Variants in ITGB5 observed in about 807,000 individuals in gnomAD.
ITGB5 encodes integrin beta-5.
In ITGB5, 38 loss-of-function variants were observed where a neutral mutation model predicts 84.8. The ratio of observed to expected loss-of-function variants is 0.45; its 90% CI spans 0.35 to 0.59. The LOEUF is 0.59. ITGB5 is among the 20% of genes least tolerant of loss of function. The probability of loss-of-function intolerance (pLI) is 0.01; values close to 1 mark genes in which losing one functional copy is unlikely to be tolerated. For synonymous variants in ITGB5, 393 were observed against 414.4 expected (o/e 0.95, Z 0.63); for missense variants, 905 against 1,034.5 (o/e 0.87, Z 1.72).
At chr3:124,886,708 C>T (rs2107656003) in intron 1 of ITGB5, among the ~76,000 whole-genome samples, 1 of 151,900 alleles carries the variant, frequency 6.6e-6, no homozygotes, top group Admixed American at 6.5e-5. Flanking sequence ...AAGGGAAGCT[C>T]CTCCTCAGCC....
At chr3:124,848,244 A>G (rs1559966725) in intron 4 of ITGB5, 65 bp downstream of exon 4, 1 of 1,574,940 alleles carries the variant, frequency 6.3e-7, no homozygotes, top group East Asian at 2.3e-5. Flanking sequence ...TCTTTGAGCT[A>G]AATTTTCCTG....
At chr3:124,856,831 C>T (rs144788030) in intron 3 of ITGB5, among the ~76,000 whole-genome samples, 75 of 152,290 alleles carry the variant, frequency 4.9e-4, no homozygotes, top group African/African-American at 1.7e-3. Flanking sequence ...TTTCTCTTTC[C>T]CCAGAGGACA....
chr3:124,771,199 T>C (rs377000318), intron 11 of ITGB5, among the ~76,000 whole-genome samples: 2 of 152,206 alleles, frequency 1.3e-5, no homozygotes, highest in Non-Finnish European at 2.9e-5. Context: ...TGAAATCAGC[T>C]GGGTGTTGAG....
chr3:124,823,837 T>C (rs1186270632), intron 5 of ITGB5, among the ~76,000 whole-genome samples: 1 of 152,132 alleles, frequency 6.6e-6, no homozygotes, highest in Non-Finnish European at 1.5e-5. Flanking sequence ...CATGTGAATC[T>C]GTTATCCAAA....
intron 1 of ITGB5, among the ~76,000 whole-genome samples, chr3:124,895,081 T>C (rs1353227417): frequency 6.6e-6 from 1 of 152,080 alleles, no homozygotes; most frequent in Non-Finnish European, 1.5e-5. Flanking sequence ...AGAAATGCTA[T>C]AGGAGTGGAG....
At chr3:124,829,758 T>C (rs1410627241) in intron 5 of ITGB5, among the ~76,000 whole-genome samples, 28 of 152,186 alleles carry the variant, frequency 1.8e-4, no homozygotes, top group Non-Finnish European at 3.7e-4. Context: ...CCATTGTCAC[T>C]GTCTCCTCTG....
At chr3:124,876,691 C>T (rs1057170513) in intron 1 of ITGB5, among the ~76,000 whole-genome samples, 4 of 152,204 alleles carry the variant, frequency 2.6e-5, no homozygotes, top group African/African-American at 9.7e-5. Flanking sequence ...AAGGTTTCCA[C>T]CAGCCCTAAC....
At chr3:124,797,480 C>T (rs1323316059) in intron 9 of ITGB5, among the ~76,000 whole-genome samples, 1 of 152,192 alleles carries the variant, frequency 6.6e-6, no homozygotes, top group Non-Finnish European at 1.5e-5. Context: ...GAAGAGTCTC[C>T]AACTGATGAA....
At chr3:124,831,024 C>A (rs186878359) in intron 5 of ITGB5, among the ~76,000 whole-genome samples, 97 of 152,244 alleles carry the variant, frequency 6.4e-4, no homozygotes, top group Non-Finnish European at 1.3e-3. Flanking sequence ...CAAGAAAATT[C>A]TTCCTTACAT....
intron 11 of ITGB5, among the ~76,000 whole-genome samples, chr3:124,772,911 CTTTTTT>C (rs35802279): frequency 2.4e-5 from 3 of 127,328 alleles, no homozygotes; most frequent in East Asian, 2.3e-4. Context: ...CTCCAATTTA[CTTTTTT>C]TTTTTTTTTT....
chr3:124,873,988 AT>A lies in ITGB5; in HGVS notation c.71-458del, dbSNP rs1934182267. On this transcript the variant is annotated intron_variant, in intron 1 of 14. Coordinates refer to ENST00000296181, the MANE Select transcript of ITGB5 (RefSeq NM_002213.5). Reference sequence around the variant, plus strand: ...AATGTACAGTGTACTGAAAGAAGCCATGCATCCCAGGAATACAATGTTGAAT... The same window carrying A: ...AATGTACAGTGTACTGAAAGAAGCCAGCATCCCAGGAATACAATGTTGAAT... Among the ~76,000 whole-genome samples the A allele has an allele frequency of 2.0e-5, 3 of 152,030 alleles. No homozygotes were observed. The South Asian group carries it at 6.2e-4, about 32-fold the overall frequency.
In ITGB5 at chr3:124,838,742, C is replaced by T. The variant is rs941190178; in HGVS notation, c.780+2641G>A. Among the ~76,000 whole-genome samples, 18 of 152,202 alleles carry T rather than the reference C, an allele frequency of 1.2e-4. 1 individual carries two copies. The East Asian group carries it at 2.5e-3, about 21-fold the overall frequency. On this transcript the variant is annotated intron_variant, in intron 5 of 14. Transcript: ENST00000296181. Reference sequence around the variant, plus strand: ...TCAGCCTCCCGAGTAGCTGGGACTACAGGCGCCTGCCACCACGCCCGGCTA... The same window carrying T: ...TCAGCCTCCCGAGTAGCTGGGACTATAGGCGCCTGCCACCACGCCCGGCTA...
chr3:124,823,372 C>T (rs946278815), intron 5 of ITGB5, among the ~76,000 whole-genome samples: 23 of 151,854 alleles, frequency 1.5e-4, no homozygotes, highest in African/African-American at 4.4e-4. Flanking sequence ...GCATTCTAGG[C>T]GCTAACAGAA....
intron 9 of ITGB5, among the ~76,000 whole-genome samples, chr3:124,797,162 G>C (rs934304099): frequency 1.3e-5 from 2 of 152,084 alleles, no homozygotes; most frequent in African/African-American, 2.4e-5. Flanking sequence ...TTTCTCTTCT[G>C]TCCTATCCTC....
At position 124,822,499 on chromosome 3, in the gene ITGB5, C is replaced by T. The variant is rs1579252465; in HGVS notation, c.781-1025G>A. On this transcript the variant is annotated intron_variant, in intron 5 of 14. Coordinates refer to ENST00000296181, the MANE Select transcript of ITGB5 (RefSeq NM_002213.5). ...GGTATCATCCTCTCTTACTTATCAT[C>T]ATAATGGTGGATAAAACAGCCAAAA... Among the ~76,000 whole-genome samples the T allele has an allele frequency of 2.6e-5, 4 of 152,124 alleles. No individual in the cohort carries two copies. The South Asian group carries it at 8.3e-4, about 32-fold the overall frequency.
chr3:124,776,111 T>C (rs187238147), intron 10 of ITGB5, among the ~76,000 whole-genome samples: 37 of 152,302 alleles, frequency 2.4e-4, no homozygotes, highest in Admixed American at 2.4e-3. Flanking sequence ...CTTAACTGTG[T>C]AGATGCGGGC....
chr3:124,883,699 T>A (rs1024476039), intron 1 of ITGB5, among the ~76,000 whole-genome samples: 7 of 152,208 alleles, frequency 4.6e-5, no homozygotes, highest in South Asian at 4.1e-4. Flanking sequence ...ATTGCTTTTT[T>A]AAAAAGAAAT....
chr3:124,838,032 A>C (rs1226624588), intron 5 of ITGB5, among the ~76,000 whole-genome samples: 1 of 152,206 alleles, frequency 6.6e-6, no homozygotes, highest in Admixed American at 6.5e-5. Flanking sequence ...TTCAGTAAAC[A>C]AAGTAAGGGA....
chr3:124,859,686 C>T (rs760216389), intron 2 of ITGB5, among the ~76,000 whole-genome samples: 3 of 152,090 alleles, frequency 2.0e-5, no homozygotes, highest in Non-Finnish European at 2.9e-5. Context: ...TAAAAATGTT[C>T]GGTTTTGTTG....
Sources: gnomAD v4.1 joint callset for allele counts (sites outside exome capture counted in the v4.1 genomes callset) on GRCh38, gnomAD v4.1.1 for gene constraint, MANE v1.5 for transcripts, NCBI Gene and HGNC (gene_info 2026-07-23, HGNC 2026-07-21) for gene names.